OXNAD1: variants seen among roughly 807,000 people sequenced by gnomAD.
OXNAD1 encodes oxidoreductase NAD-binding domain-containing protein 1.
In OXNAD1, 34 loss-of-function variants were observed where a neutral mutation model predicts 32.9. That is an observed-to-expected ratio of 1.03 (90% CI 0.79 to 1.38). OXNAD1 has a LOEUF of 1.38. OXNAD1 is among the 40% of genes most tolerant of loss of function. The pLI is 0.00. For missense variants in OXNAD1, 407 were observed against 379.4 expected, an observed-to-expected ratio of 1.07 and a Z score of -0.60; for synonymous variants, 134 against 135.2, an observed-to-expected ratio of 0.99 and a Z score of 0.06.
At chr3:16,267,620 T>C (rs916514693) in intron 1 of OXNAD1, among the ~76,000 whole-genome samples, 3 of 152,210 alleles carry the variant, frequency 2.0e-5, no homozygotes, top group African/African-American at 7.2e-5. Context: ...CAAGGTGTCA[T>C]CACTGGAGAG....
downstream of OXNAD1, among the ~76,000 whole-genome samples, chr3:16,350,709 G>T (rs2125317866): frequency 6.6e-6 from 1 of 152,252 alleles, no homozygotes; most frequent in East Asian, 1.9e-4. Flanking sequence ...AGCCTGGGAG[G>T]GGTTTGGGTG....
rs1359923659 is a variant in OXNAD1, at chr3:16,327,340, ATG to A, written c.*31-9764_*31-9763del. Reference sequence around the variant, plus strand: ...CAGCAACACACACATGCACATCCACATGTGTGTGTACACGCAGAAGCTGCTTT... The same window carrying A: ...CAGCAACACACACATGCACATCCACATGTGTGTACACGCAGAAGCTGCTTT... On this transcript the variant is annotated intron_variant, in intron 9 of 9. Coordinates refer to the OXNAD1 transcript ENST00000435829. This position sits in a 1 kb window ranked among gnomAD's most constrained non-coding sequence, Gnocchi z 4.2. 6.6e-6 allele frequency among the ~76,000 whole-genome samples: 1 copy of A among 152,122 alleles called. No individual in the cohort carries two copies. The highest frequency in any genetic ancestry group is 6.5e-5 in the Admixed American group (1 of 15,274).
rs183510281 is a variant in OXNAD1 at position 16,286,422 on chromosome 3, A to G, written c.264A>G (p.Gln88=). The change falls in exon 5 of 9, where the codon CAA becomes CAG. Residue 88 remains glutamine, a synonymous_variant. Transcript: ENST00000285083. ...VKSLRLLVAD[Q]DFSFKAGQWV... is the part of the protein sequence containing the mutation. ...GCCTCCGCTTGCTTGTTGCTGATCA[A>G]GACTTTTCCTTTAAAGCTGGCCAGT... 3.7e-6 allele frequency: 6 copies of G among 1,613,936 alleles called. No homozygotes were observed. In the African/African-American group the frequency reaches 5.3e-5, roughly 14 times the overall value.
At position 16,298,426 on chromosome 3, in the gene OXNAD1, G is replaced by A. The variant is rs2066951287; in HGVS notation, c.433-3200G>A. 6.6e-6 allele frequency among the ~76,000 whole-genome samples: 1 copy of A among 152,096 alleles called. No individual in the cohort carries two copies. Among genetic ancestry groups the A allele is most frequent in the African/African-American group, 2.4e-5 (1 of 41,396 alleles). On this transcript the variant is annotated intron_variant, in intron 6 of 8. Transcript: ENST00000285083. The surrounding 1 kb of genome is among the most constrained non-coding windows in gnomAD (Gnocchi z 5.1). ...TTTCATGCCTCATTGGCATTTCAGTGAAGAAACTTATTCTTACAGGCTGTA... is the reference window on the plus strand; with the variant it reads ...TTTCATGCCTCATTGGCATTTCAGTAAAGAAACTTATTCTTACAGGCTGTA...
exon 10 of OXNAD1, chr3:16,349,542 T>C (rs2071952133): frequency 6.6e-6 from 1 of 152,248 alleles, no homozygotes; most frequent in Admixed American, 6.5e-5. Context: ...TATGTGCATG[T>C]GTGCACACGT....
intron 9 of OXNAD1, among the ~76,000 whole-genome samples, chr3:16,331,804 G>C (rs1301829346): frequency 6.6e-6 from 1 of 152,170 alleles, no homozygotes; most frequent in Non-Finnish European, 1.5e-5. Context: ...ACATCCTGTA[G>C]TGACTCTCTA....
intron 6 of OXNAD1, 70 bp downstream of exon 6, chr3:16,295,067 C>G (rs2066686633): frequency 6.8e-7 from 1 of 1,473,912 alleles, no homozygotes; most frequent in South Asian, 1.5e-5. Context: ...GTGTTAAGCT[C>G]ATTTGATTCA....
In OXNAD1 at chr3:16,316,860, C is replaced by G; in HGVS notation, c.*30+13268C>G. The G allele has an allele frequency of 6.2e-7, 1 of 1,614,196 alleles. No individual in the cohort carries two copies. Among genetic ancestry groups the G allele is most frequent in the Non-Finnish European group, 8.5e-7 (1 of 1,180,038 alleles). On this transcript the variant is annotated intron_variant, in intron 9 of 9. Transcript: ENST00000435829. The surrounding 1 kb of genome is among the most constrained non-coding windows in gnomAD (Gnocchi z 4.5). ...TCTTCAACCGTACCAAGCTCTCTGA[C>G]TTCCTCAGCATCCCCGTCCCTGGCA...
rs949064789 is a variant in OXNAD1 at position 16,329,569 on chromosome 3, C to T, written c.*31-7543C>T. On this transcript the variant is annotated intron_variant, in intron 9 of 9. Transcript: ENST00000435829. The surrounding 1 kb of genome is among the most constrained non-coding windows in gnomAD (Gnocchi z 4.5). ...CACGCACACCTCCCTTCCAGACCAG[C>T]ACAGCCCGTATTCCTCCTGCTGGGT... Among the ~76,000 whole-genome samples, 2 of 152,160 alleles carry T rather than the reference C, an allele frequency of 1.3e-5. No homozygotes were observed. Among genetic ancestry groups the T allele is most frequent in the Admixed American group, 1.3e-4 (2 of 15,280 alleles).
In OXNAD1 at chr3:16,314,212, G is replaced by A. The variant is rs2068175005; in HGVS notation, c.*30+10620G>A. ...GTCTTTGTGGCTTTTACTGTCCGTG[G>A]GACCTGGTCAGTGCAAATGATGGCT... On this transcript the variant is annotated intron_variant, in intron 9 of 9. Coordinates refer to the OXNAD1 transcript ENST00000435829. The surrounding 1 kb of genome is among the most constrained non-coding windows in gnomAD (Gnocchi z 4.4). Among the ~76,000 whole-genome samples, 1 of 152,042 alleles carries A rather than the reference G, an allele frequency of 6.6e-6. No homozygotes were observed. Among genetic ancestry groups the A allele is most frequent in the Non-Finnish European group, 1.5e-5 (1 of 68,020 alleles).
chr3:16,317,306 A>G lies in OXNAD1; in HGVS notation c.*30+13714A>G. The G allele has an allele frequency of 1.4e-6, 2 of 1,471,418 alleles. No homozygotes were observed. The highest frequency in any genetic ancestry group is 1.2e-5 in the South Asian group (1 of 84,910). The allele number at this position is 1,471,418 out of a possible 1,614,324, so 91.1% of individuals were successfully genotyped here. ...GAGCTTCACCCAAAGCCTTGTTTGC[A>G]TTCATACCCACACCATGTCTGAGTG... On this transcript the variant is annotated intron_variant, in intron 9 of 9. Coordinates refer to the OXNAD1 transcript ENST00000435829. The surrounding 1 kb of genome is among the most constrained non-coding windows in gnomAD (Gnocchi z 4.3).
intron 4 of OXNAD1, among the ~76,000 whole-genome samples, chr3:16,278,674 C>G (rs2065525456): frequency 6.6e-6 from 1 of 152,206 alleles, no homozygotes; most frequent in Non-Finnish European, 1.5e-5. Flanking sequence ...AATCAGCTTT[C>G]CTTTATGTTA....
Position 16,315,273 on chromosome 3 carries a change from G to A in OXNAD1, c.*30+11681G>A, listed in dbSNP as rs149014782. 3.2e-4 allele frequency among the ~76,000 whole-genome samples: 48 copies of A among 152,148 alleles called. No individual in the cohort carries two copies. The East Asian group carries it at 8.7e-3, about 28-fold the overall frequency. ...TGAGATTACAAGCACCCGCCACCAC[G>A]CCCAGCTAATTTTTGTATTTTTAGT... On this transcript the variant is annotated intron_variant, in intron 9 of 9. Coordinates refer to the OXNAD1 transcript ENST00000435829.
In OXNAD1 at chr3:16,329,891, C is replaced by G. The variant is rs1053676290; in HGVS notation, c.*31-7221C>G. On this transcript the variant is annotated intron_variant, in intron 9 of 9. Coordinates refer to the OXNAD1 transcript ENST00000435829. The surrounding 1 kb of genome is among the most constrained non-coding windows in gnomAD (Gnocchi z 4.5). Reference sequence around the variant, plus strand: ...CTTTTATTGGTGGCTGCATCTCGGGCCAGGTTTTCTCTGCGGGCACCCAGA... The same window carrying G: ...CTTTTATTGGTGGCTGCATCTCGGGGCAGGTTTTCTCTGCGGGCACCCAGA... Among the ~76,000 whole-genome samples the G allele has an allele frequency of 2.6e-5, 4 of 152,120 alleles. No individual in the cohort carries two copies. Among genetic ancestry groups the G allele is most frequent in the African/African-American group, 4.8e-5 (2 of 41,424 alleles).
At chr3:16,268,807 A>T (rs956902154) in intron 1 of OXNAD1, among the ~76,000 whole-genome samples, 4 of 152,210 alleles carry the variant, frequency 2.6e-5, no homozygotes, top group Non-Finnish European at 4.4e-5. Context: ...GTTAAATTTT[A>T]TCAGGGAACT....
rs2071386727 is a variant in OXNAD1, at chr3:16,342,553, A to T, written c.*31-6623A>T. Among the ~76,000 whole-genome samples, 1 of 152,200 alleles carries T rather than the reference A, an allele frequency of 6.6e-6. No individual in the cohort carries two copies. The highest frequency in any genetic ancestry group is 2.4e-5 in the African/African-American group (1 of 41,450). ...CATTTCTCTTAAATATAGGGGTGGA[A>T]TTGCTGGGTCATATGGTAACTATGT... is the stretch of plus-strand genomic sequence containing the variant. On this transcript the variant is annotated intron_variant, in intron 9 of 9. Transcript: ENST00000606098. This position sits in a 1 kb window ranked among gnomAD's most constrained non-coding sequence, Gnocchi z 4.0.
Position 16,302,510 on chromosome 3 carries a change from A to C in OXNAD1, c.676-130A>C, listed in dbSNP as rs1019961262. On this transcript the variant is annotated intron_variant, in intron 7 of 8. Coordinates refer to ENST00000285083, the MANE Select transcript of OXNAD1 (RefSeq NM_138381.5). The surrounding 1 kb of genome is among the most constrained non-coding windows in gnomAD (Gnocchi z 4.2). ...TCTGGCCTGCTAGGCTGCAAACAAT[A>C]TCTCTCTAAGTAGAGAGCGAGAGCG... 2.0e-5 allele frequency: 13 copies of C among 644,456 alleles called. No individual in the cohort carries two copies. The highest frequency in any genetic ancestry group is 2.9e-5 in the Admixed American group (1 of 34,906). 39.9% of individuals were successfully genotyped at this position (644,456 alleles called of 1,614,324 possible). A position where few individuals can be genotyped will look rare whatever the true frequency, so the allele number is the denominator to read the frequency against.
Position 16,271,182 on chromosome 3 carries a change from A to G in OXNAD1, c.119+111A>G. The stretch of plus-strand genomic sequence containing the variant: ...CCCGGAAAGGTAACACCTTAGCTTC[A>G]ATGTGCATGCTGTCAGGTTGTTAAC... On this transcript the variant is annotated intron_variant, in intron 3 of 8. Transcript: ENST00000285083. This position sits in a 1 kb window ranked among gnomAD's most constrained non-coding sequence, Gnocchi z 4.6. The G allele has an allele frequency of 7.8e-7, 1 of 1,281,952 alleles. No homozygotes were observed. The highest frequency in any genetic ancestry group is 1.1e-6 in the Non-Finnish European group (1 of 925,630). 79.4% of individuals were successfully genotyped at this position (1,281,952 alleles called of 1,614,324 possible). A position where few individuals can be genotyped will look rare whatever the true frequency, so the allele number is the denominator to read the frequency against.
In OXNAD1 at chr3:16,304,734, A is replaced by T. The variant is rs923172464; in HGVS notation, c.*1172A>T. 6.6e-6 allele frequency: 1 copy of T among 152,296 alleles called. No homozygotes were observed. Among genetic ancestry groups the T allele is most frequent in the Admixed American group, 6.5e-5 (1 of 15,284 alleles). 9.4% of individuals were successfully genotyped at this position (152,296 alleles called of 1,614,324 possible). A position where few individuals can be genotyped will look rare whatever the true frequency, so the allele number is the denominator to read the frequency against. On this transcript the variant is annotated 3_prime_UTR_variant, in exon 9 of 9. Coordinates refer to ENST00000285083, the MANE Select transcript of OXNAD1 (RefSeq NM_138381.5). This position sits in a 1 kb window ranked among gnomAD's most constrained non-coding sequence, Gnocchi z 4.6. ...GAAGGGAGCCTGGGAAGAAGGACAGATAAGTGCTGGAGACCTAGGAGCTCC... is the reference window on the plus strand; with the variant it reads ...GAAGGGAGCCTGGGAAGAAGGACAGTTAAGTGCTGGAGACCTAGGAGCTCC...
Sources: gnomAD v4.1 joint callset for allele counts (sites outside exome capture counted in the v4.1 genomes callset) on GRCh38, gnomAD v4.1.1 for gene constraint, Gnocchi (gnomAD v3.1) non-coding constraint, MANE v1.5 for transcripts, NCBI Gene and HGNC (gene_info 2026-07-23, HGNC 2026-07-21) for gene names.